The following LRRC7 variants were observed in gnomAD, a reference collection of about 807,000 sequenced individuals.
The protein encoded by LRRC7 is leucine rich repeat containing 7.
In LRRC7, 23 loss-of-function variants were observed where a neutral mutation model predicts 175.7. That is an observed-to-expected ratio of 0.13 (90% CI 0.09 to 0.19). The LOEUF (loss-of-function observed/expected upper bound fraction) is 0.19, where lower values mean the gene tolerates loss of function less well. LRRC7 is among the 10% of genes least tolerant of loss of function. The pLI is 1.00. For synonymous variants in LRRC7, 685 were observed against 680.9 expected, an observed-to-expected ratio of 1.01 and a Z score of -0.09; for missense variants, 1,354 against 1,904.7, an observed-to-expected ratio of 0.71 and a Z score of 5.38.
intron 1 of LRRC7, among the ~76,000 whole-genome samples, chr1:69,599,835 C>T (rs1646981072): frequency 6.6e-6 from 1 of 152,154 alleles, no homozygotes; most frequent in Non-Finnish European, 1.5e-5. Context: ...TCAAACATTG[C>T]CATTCCAGTC....
chr1:69,796,712 T>C (rs1675819132), intron 4 of LRRC7, among the ~76,000 whole-genome samples: 1 of 151,984 alleles, frequency 6.6e-6, no homozygotes, highest in Non-Finnish European at 1.5e-5. Context: ...GAGAATCGCT[T>C]GAACCTAGGA....
chr1:69,691,730 C>T (rs1424519681), intron 2 of LRRC7, among the ~76,000 whole-genome samples: 1 of 136,018 alleles, frequency 7.4e-6, no homozygotes. Context: ...CCTGGGAGGT[C>T]GAGGCTGCAG....
intron 23 of LRRC7, among the ~76,000 whole-genome samples, chr1:70,062,055 A>G (rs1661620002): frequency 6.6e-6 from 1 of 152,162 alleles, no homozygotes; most frequent in South Asian, 2.1e-4. Flanking sequence ...TTTACTGACA[A>G]CATTGTCAGG....
intron 4 of LRRC7, among the ~76,000 whole-genome samples, chr1:69,814,311 A>G (rs577761948): frequency 6.6e-6 from 1 of 152,256 alleles, no homozygotes; most frequent in South Asian, 2.1e-4. Flanking sequence ...AAAAATGAAA[A>G]TCATATTGCT....
intron 1 of LRRC7, among the ~76,000 whole-genome samples, chr1:69,569,264 A>G (rs935065847): frequency 1.3e-5 from 2 of 152,006 alleles, no homozygotes; most frequent in Non-Finnish European, 2.9e-5. Context: ...GGAGGACGGA[A>G]AGAAGTGGGG....
At chr1:70,099,089 C>T (rs1444965491) in intron 25 of LRRC7, among the ~76,000 whole-genome samples, 8 of 146,862 alleles carry the variant, frequency 5.4e-5, no homozygotes, top group Middle Eastern at 3.6e-3. Flanking sequence ...ACTGGCAAAC[C>T]GAATCCAGCA....
At chr1:70,115,423 C>T (rs758556047) in intron 26 of LRRC7, among the ~76,000 whole-genome samples, 19 of 151,726 alleles carry the variant, frequency 1.3e-4, no homozygotes, top group Non-Finnish European at 2.2e-4. Flanking sequence ...TGGCCTTCCC[C>T]GCTCTATTTG....
At chr1:69,719,537 T>G (rs969072956) in intron 2 of LRRC7, among the ~76,000 whole-genome samples, 1 of 151,684 alleles carries the variant, frequency 6.6e-6, no homozygotes, top group Non-Finnish European at 1.5e-5. Context: ...ATTAGCTCTA[T>G]TTTTATTTTT....
At position 70,124,166 on chromosome 1, in the gene LRRC7, T is replaced by C. The variant is rs1666339094; in HGVS notation, c.*2279T>C. ...TTGACCAACTGGAAAAGTTATCTGA[T>C]ATGCCAAAGCACCTCACTGTCAATA... On this transcript the variant is annotated 3_prime_UTR_variant, in exon 27 of 27. Transcript: ENST00000651989. Among the ~76,000 whole-genome samples, 1 of 152,218 alleles carries C rather than the reference T, an allele frequency of 6.6e-6. No individual in the cohort carries two copies. The highest frequency in any genetic ancestry group is 1.5e-5 in the Non-Finnish European group (1 of 68,042).
chr1:70,016,980 T>G (rs1657014668), intron 14 of LRRC7, among the ~76,000 whole-genome samples: 1 of 152,282 alleles, frequency 6.6e-6, no homozygotes, highest in East Asian at 1.9e-4. Context: ...GCTTCATTAA[T>G]GACATTTGAA....
chr1:69,642,811 CATAGATAGATAG>C (rs142950544), intron 1 of LRRC7, among the ~76,000 whole-genome samples: 28 of 147,294 alleles, frequency 1.9e-4, no homozygotes, highest in Admixed American at 5.5e-4. Flanking sequence ...ACAGATGATA[CATAGATAGATAG>C]ATAGATAGAT....
intron 7 of LRRC7, among the ~76,000 whole-genome samples, chr1:69,906,768 T>G (rs1255168688): frequency 6.6e-6 from 1 of 152,174 alleles, no homozygotes; most frequent in African/African-American, 2.4e-5. Context: ...CATATGAACT[T>G]TAAAGCAGTT....
intron 5 of LRRC7, among the ~76,000 whole-genome samples, chr1:69,831,153 TTTTAA>T (rs1486449364): frequency 4.6e-5 from 7 of 152,112 alleles, no homozygotes; most frequent in East Asian, 3.9e-4. Flanking sequence ...AAAATTAGTA[TTTTAA>T]TTTAACAGTG....
At chr1:69,851,517 GAGA>G (rs1235644315) in intron 7 of LRRC7, among the ~76,000 whole-genome samples, 1 of 152,236 alleles carries the variant, frequency 6.6e-6, no homozygotes, top group South Asian at 2.1e-4. Context: ...AGCACAAATG[GAGA>G]AGATGTCCGT....
chr1:69,931,597 A>G, intron 8 of LRRC7, 27 bp downstream of exon 8: 1 of 1,559,020 alleles, frequency 6.4e-7, no homozygotes, highest in Non-Finnish European at 8.8e-7. Flanking sequence ...TCTAAACCTG[A>G]TAAATACCCT....
intron 21 of LRRC7, among the ~76,000 whole-genome samples, chr1:70,040,545 G>A (rs189389552): frequency 1.3e-5 from 2 of 152,308 alleles, no homozygotes; most frequent in Non-Finnish European, 2.9e-5. Flanking sequence ...CAATAGGCGA[G>A]GCATGGTGGT....
intron 7 of LRRC7, chr1:69,838,949 TG>T (rs1681424791): frequency 6.1e-6 from 1 of 164,286 alleles, no homozygotes; most frequent in South Asian, 1.4e-4. Context: ...TAATTATTTT[TG>T]AAAGTCAAAA....
chr1:69,637,061 C>T (rs1205478004), intron 1 of LRRC7, among the ~76,000 whole-genome samples: 3 of 132,458 alleles, frequency 2.3e-5, no homozygotes, highest in Non-Finnish European at 3.5e-5. Flanking sequence ...TCACTTCCTT[C>T]GCCTTCACCC....
chr1:69,906,250 G>A (rs1646306696), intron 7 of LRRC7, among the ~76,000 whole-genome samples: 1 of 152,152 alleles, frequency 6.6e-6, no homozygotes. Context: ...CTGTGCAGAA[G>A]CTCTTTAGTT....
Sources: allele counts gnomAD v4.1 joint callset (sites outside exome capture counted in the v4.1 genomes callset), GRCh38; gene constraint gnomAD v4.1.1; transcripts MANE v1.5; gene names NCBI Gene and HGNC (gene_info 2026-07-23, HGNC 2026-07-21).